HMGB1: variants seen among roughly 807,000 people sequenced by gnomAD.
The protein encoded by HMGB1 is high mobility group box 1.
For missense variants in HMGB1, 79 were observed against 253.5 expected (o/e 0.31, Z 4.67); for synonymous variants, 81 against 84.0 (o/e 0.96, Z 0.19).
chr13:30,479,694 G>A (rs1887184196), intron 1 of HMGB1, among the ~76,000 whole-genome samples: 1 of 152,174 alleles, frequency 6.6e-6, no homozygotes, highest in Non-Finnish European at 1.5e-5. Context: ...ACCTCTCTGA[G>A]CCTCAGCTGC....
intron 1 of HMGB1, among the ~76,000 whole-genome samples, chr13:30,492,333 T>C (rs1887514976): frequency 6.6e-6 from 1 of 151,098 alleles, no homozygotes; most frequent in South Asian, 2.1e-4. Context: ...AAAAAAAAAT[T>C]ATTCATACAT....
intron 1 of HMGB1, among the ~76,000 whole-genome samples, chr13:30,488,612 T>C (rs2137438221): frequency 6.6e-6 from 1 of 151,310 alleles, no homozygotes; most frequent in East Asian, 1.9e-4. Flanking sequence ...GCCTCCTGAG[T>C]GACTGGGGCT....
At position 30,465,885 on chromosome 13, in the gene HMGB1, G is replaced by A. The variant is rs905710790; in HGVS notation, c.-104C>T. 2.2e-5 allele frequency: 22 copies of A among 985,714 alleles called. No individual in the cohort carries two copies. The highest frequency in any genetic ancestry group is 2.4e-5 in the Non-Finnish European group (20 of 829,884). 61.1% of individuals were successfully genotyped at this position (985,714 alleles called of 1,614,324 possible). ...TGGAGCTCAATGTACTGCAATGGCTGTGAGAGCGGGAGCCAGACGCAGCCT... is the reference window on the plus strand; with the variant it reads ...TGGAGCTCAATGTACTGCAATGGCTATGAGAGCGGGAGCCAGACGCAGCCT... On this transcript the variant is annotated 5_prime_UTR_variant, in exon 1 of 5. Transcript: ENST00000341423.
intron 1 of HMGB1, among the ~76,000 whole-genome samples, chr13:30,545,909 C>T (rs1869136143): frequency 6.6e-6 from 1 of 151,960 alleles, no homozygotes; most frequent in African/African-American, 2.4e-5. Context: ...AACATGTTGC[C>T]CAAGCTGGTC....
intron 1 of HMGB1, among the ~76,000 whole-genome samples, chr13:30,610,826 A>T (rs1170447858): frequency 6.6e-6 from 1 of 152,158 alleles, no homozygotes; most frequent in Non-Finnish European, 1.5e-5. Flanking sequence ...ATCAGATTAG[A>T]CCACCAAAAA....
chr13:30,464,236 G>C (rs1886558743), intron 1 of HMGB1: 1 of 985,524 alleles, frequency 1.0e-6, no homozygotes, highest in Admixed American at 6.1e-5. Flanking sequence ...GCCAGCTCCG[G>C]TGCTCGGAAC....
intron 3 of HMGB1, 124 bp from the exon 4 acceptor site, chr13:30,462,836 A>T: frequency 1.4e-6 from 1 of 733,364 alleles, no homozygotes; most frequent in Non-Finnish European, 2.3e-6. Flanking sequence ...GACAGGGTGC[A>T]AATACTATAA....
chr13:30,575,692 A>G (rs1456559141), intron 1 of HMGB1, among the ~76,000 whole-genome samples: 1 of 152,204 alleles, frequency 6.6e-6, no homozygotes, highest in Non-Finnish European at 1.5e-5. Flanking sequence ...ATAATACAGT[A>G]CTGCTATGTA....
intron 1 of HMGB1, among the ~76,000 whole-genome samples, chr13:30,517,178 G>A (rs954402989): frequency 1.3e-5 from 2 of 152,184 alleles, no homozygotes; most frequent in Non-Finnish European, 2.9e-5. Flanking sequence ...TAAAGTACAG[G>A]TTGCTGGCCC....
intron 1 of HMGB1, among the ~76,000 whole-genome samples, chr13:30,614,148 T>C (rs1950538907): frequency 6.6e-6 from 1 of 152,138 alleles, no homozygotes; most frequent in Admixed American, 6.5e-5. Context: ...TTCTGAAAAA[T>C]ATACCAGAAA....
chr13:30,470,901 A>C (rs1239000180), upstream of HMGB1, among the ~76,000 whole-genome samples: 1 of 151,854 alleles, frequency 6.6e-6, no homozygotes, highest in African/African-American at 2.4e-5. Context: ...CACCCGCCTC[A>C]GCCTTCCAAA....
At chr13:30,573,060 T>C (rs1055632759) in intron 1 of HMGB1, among the ~76,000 whole-genome samples, 2 of 152,192 alleles carry the variant, frequency 1.3e-5, no homozygotes, top group African/African-American at 4.8e-5. Flanking sequence ...TTAGATGTAG[T>C]ACTTAAAGGA....
At chr13:30,470,071 C>T (rs150925706), upstream of HMGB1, among the ~76,000 whole-genome samples, 1 of 151,862 alleles carries the variant, frequency 6.6e-6, no homozygotes, top group African/African-American at 2.4e-5. Flanking sequence ...AACCACCGTG[C>T]CTGGTGCTGG....
At chr13:30,464,645 T>C in intron 1 of HMGB1, 3 of 983,616 alleles carry the variant, frequency 3.0e-6, no homozygotes, top group Non-Finnish European at 3.6e-6. Flanking sequence ...AAATGGGGGC[T>C]GGCTCCGCCC....
intron 1 of HMGB1, among the ~76,000 whole-genome samples, chr13:30,511,280 A>G (rs1386322557): frequency 6.6e-6 from 1 of 152,090 alleles, no homozygotes; most frequent in Non-Finnish European, 1.5e-5. Flanking sequence ...GTCATCCCCA[A>G]CGCTGGAGGC....
At chr13:30,535,256 A>T (rs1024860250) in intron 1 of HMGB1, among the ~76,000 whole-genome samples, 3 of 152,198 alleles carry the variant, frequency 2.0e-5, no homozygotes, top group Non-Finnish European at 4.4e-5. Context: ...CAGTACTTTG[A>T]AAAGGAGGGA....
chr13:30,616,949 A>G (rs1298136401), exon 1 of HMGB1: 2 of 152,230 alleles, frequency 1.3e-5, no homozygotes. Flanking sequence ...CACAGAACCA[A>G]TCGACCAAAA....
At chr13:30,598,644 G>T (rs1160210238) in intron 1 of HMGB1, among the ~76,000 whole-genome samples, 1 of 152,156 alleles carries the variant, frequency 6.6e-6, no homozygotes, top group Non-Finnish European at 1.5e-5. Context: ...ATGTATGTTG[G>T]AACAGGACAA....
chr13:30,465,245 C>T, intron 1 of HMGB1: 1 of 216,014 alleles, frequency 4.6e-6, no homozygotes, highest in African/African-American at 2.5e-5. Flanking sequence ...CGCACTGCCG[C>T]CCCCAGGCCC....
Sources: allele counts gnomAD v4.1 joint callset (sites outside exome capture counted in the v4.1 genomes callset), GRCh38; gene constraint gnomAD v4.1.1; transcripts MANE v1.5; gene names NCBI Gene and HGNC (gene_info 2026-07-23, HGNC 2026-07-21).